The following SLC25A27 variants were observed in gnomAD, a reference collection of about 807,000 sequenced individuals.
SLC25A27 encodes the protein mitochondrial uncoupling protein 4.
SLC25A27 carries 35 observed loss-of-function variants against 49.1 expected under a neutral mutation model. The ratio of observed to expected loss-of-function variants is 0.71; its 90% CI spans 0.54 to 0.95. The LOEUF (loss-of-function observed/expected upper bound fraction) is 0.95, where lower values mean the gene tolerates loss of function less well. SLC25A27 is among the 40% of genes least tolerant of loss of function. SLC25A27 has a pLI of 0.00. For synonymous variants in SLC25A27, 144 were observed against 136.9 expected (o/e 1.05, Z -0.36); for missense variants, 339 against 397.1 (o/e 0.85, Z 1.24).
rs1763785434 is a variant in SLC25A27, at chr6:46,676,326, G to A, written c.901-57G>A. 3 of 1,493,786 alleles carry A rather than the reference G, an allele frequency of 2.0e-6. 1 individual carries two copies. In the South Asian group the frequency reaches 3.4e-5, roughly 17 times the overall value. 92.5% of individuals were successfully genotyped at this position (1,493,786 alleles called of 1,614,324 possible). ...CATTCAAATATATGTATGCACATAT[G>A]TAGACTATTTATAATTGCTTTGAAA... On this transcript the variant is annotated intron_variant, in intron 8 of 8. Coordinates refer to ENST00000371347, the MANE Select transcript of SLC25A27 (RefSeq NM_004277.5).
chr6:46,671,092 GA>G, intron 7 of SLC25A27, 33 bp from the exon 8 acceptor site: 2 of 1,379,066 alleles, frequency 1.5e-6, no homozygotes, highest in Non-Finnish European at 1.0e-6. Flanking sequence ...TTTTTACACA[GA>G]AAAAAATTAA....
Position 46,653,145 on chromosome 6 carries a change from C to T in SLC25A27, c.-48C>T, listed in dbSNP as rs764658679. On this transcript the variant is annotated 5_prime_UTR_variant, in exon 1 of 9. Coordinates refer to ENST00000371347, the MANE Select transcript of SLC25A27 (RefSeq NM_004277.5). The stretch of plus-strand genomic sequence containing the variant: ...GGGAAGCGGCCGCCGCGGCGCGGTG[C>T]AGCGCAGCGGCGAGAAGGAGTGCGT... The T allele has an allele frequency of 1.3e-6, 2 of 1,554,578 alleles. No homozygotes were observed. The highest frequency in any genetic ancestry group is 4.5e-5 in the East Asian group (2 of 44,118).
At chr6:46,654,540 C>G (rs1040282364) in intron 1 of SLC25A27, among the ~76,000 whole-genome samples, 1 of 151,926 alleles carries the variant, frequency 6.6e-6, no homozygotes, top group African/African-American at 2.4e-5. Context: ...AGGACTATTC[C>G]TCGTTAAAAA....
Position 46,653,266 on chromosome 6 carries a change from T to C in SLC25A27, c.74T>C (p.Leu25Pro), listed in dbSNP as rs1762820261. The change falls in exon 1 of 9, where the codon CTG becomes CCG. Residue 25 changes from leucine (L) to proline (P), a missense_variant. Transcript: ENST00000371347. Reference protein sequence around the residue: ...QRWPRASKFLLSGCAATVAEL... With the variant: ...QRWPRASKFLPSGCAATVAEL... ...TGGCCCCGAGCGAGCAAATTCCTAC[T>C]GTCCGGCTGCGCGGCTACCGTGGCC... 6.2e-7 allele frequency: 1 copy of C among 1,613,314 alleles called. No homozygotes were observed. The highest frequency in any genetic ancestry group is 8.5e-7 in the Non-Finnish European group (1 of 1,179,686).
At chr6:46,670,905 T>A (rs1322671534) in intron 7 of SLC25A27, among the ~76,000 whole-genome samples, 1 of 152,030 alleles carries the variant, frequency 6.6e-6, no homozygotes, top group Admixed American at 6.5e-5. Flanking sequence ...GCCCGACTAA[T>A]TTTTTTAGTA....
At position 46,653,219 on chromosome 6, in the gene SLC25A27, G is replaced by C. The variant is rs767033940; in HGVS notation, c.27G>C (p.Arg9Ser). The change falls in exon 1 of 9, where the codon AGG becomes AGC. Residue 9 changes from arginine (R) to serine (S), a missense_variant. Transcript: ENST00000371347. Reference protein sequence around the residue: MSVPEEEERLLPLTQRWPR... With the variant: MSVPEEEESLLPLTQRWPR... Reference sequence around the variant, plus strand: ...TGTCCGTCCCGGAGGAGGAGGAGAGGCTTTTGCCGCTGACCCAGAGATGGC... The same window carrying C: ...TGTCCGTCCCGGAGGAGGAGGAGAGCCTTTTGCCGCTGACCCAGAGATGGC... 51 of 1,613,570 alleles carry C rather than the reference G, an allele frequency of 3.2e-5. No homozygotes were observed. The highest frequency in any genetic ancestry group is 4.2e-5 in the Non-Finnish European group (50 of 1,179,760).
In SLC25A27 at chr6:46,658,972, A is replaced by G; in HGVS notation, c.309A>G (p.Gly103=). The G allele has an allele frequency of 3.1e-6, 5 of 1,612,292 alleles. No individual in the cohort carries two copies. The highest frequency in any genetic ancestry group is 4.2e-6 in the Non-Finnish European group (5 of 1,178,330). Reference sequence around the variant, plus strand: ...ATCTTTTTTACCCAGTGTATTCTGGAGGTCGAATGGTCACATATGAACATC... The same window carrying G: ...ATCTTTTTTACCCAGTGTATTCTGGGGGTCGAATGGTCACATATGAACATC... ...PAIYRHVVYS[G]GRMVTYEHLR... Residue 103 remains glycine (G), a synonymous_variant, in exon 3 of 9, where the codon GGA becomes GGG. Coordinates refer to ENST00000371347, the MANE Select transcript of SLC25A27 (RefSeq NM_004277.5).
At chr6:46,659,099 A>G in intron 3 of SLC25A27, 53 bp downstream of exon 3, 1 of 1,153,474 alleles carries the variant, frequency 8.7e-7, no homozygotes. Context: ...CTTAATGTTT[A>G]TTAGGTTTAT....
intron 1 of SLC25A27, among the ~76,000 whole-genome samples, chr6:46,654,696 ATGGAGAAATCTAT>A (rs1190525669): frequency 5.3e-5 from 8 of 152,224 alleles, no homozygotes; most frequent in Admixed American, 2.6e-4. Context: ...TCTGTGTAAT[ATGGAGAAATCTAT>A]TAAGATTTTT....
rs888942777 is a variant in SLC25A27 at position 46,653,156 on chromosome 6, C to T, written c.-37C>T. ...GCCGCGGCGCGGTGCAGCGCAGCGG[C>T]GAGAAGGAGTGCGTTATCGTCTTGC... On this transcript the variant is annotated 5_prime_UTR_variant, in exon 1 of 9. Transcript: ENST00000371347. The T allele has an allele frequency of 3.2e-6, 5 of 1,577,416 alleles. No individual in the cohort carries two copies. The African/African-American group carries it at 5.4e-5, about 17-fold the overall frequency.
Position 46,676,607 on chromosome 6 carries a change from G to T in SLC25A27, c.*153G>T. 6.4e-7 allele frequency: 1 copy of T among 1,553,296 alleles called. No homozygotes were observed. Among genetic ancestry groups the T allele is most frequent in the Admixed American group, 2.0e-5 (1 of 51,166 alleles). ...GGGGGCAGCACTTTATTTTTTTCTGGAAACCCAAGTTCTCTTTGACTCCTC... is the reference window on the plus strand; with the variant it reads ...GGGGGCAGCACTTTATTTTTTTCTGTAAACCCAAGTTCTCTTTGACTCCTC... On this transcript the variant is annotated 3_prime_UTR_variant, in exon 9 of 9. Transcript: ENST00000371347.
chr6:46,658,494 T>A, intron 2 of SLC25A27: 1 of 448,660 alleles, frequency 2.2e-6, no homozygotes, highest in Non-Finnish European at 4.4e-6. Flanking sequence ...AAATTATGTA[T>A]CTTTATTTAA....
At chr6:46,665,732 G>A (rs570428073) in intron 5 of SLC25A27, among the ~76,000 whole-genome samples, 12 of 152,112 alleles carry the variant, frequency 7.9e-5, no homozygotes, top group South Asian at 4.2e-4. Context: ...TACTACTTTA[G>A]TATCCTTAAA....
At chr6:46,664,247 TAAAG>T (rs1299689728) in intron 4 of SLC25A27, among the ~76,000 whole-genome samples, 1 of 152,230 alleles carries the variant, frequency 6.6e-6, no homozygotes, top group Non-Finnish European at 1.5e-5. Flanking sequence ...ATGAGCAAGA[TAAAG>T]ATAGTCTACT....
rs965581544 is a variant in SLC25A27 at position 46,653,568 on chromosome 6, T to C, written c.106+270T>C. On this transcript the variant is annotated intron_variant, in intron 1 of 8. Transcript: ENST00000371347. ...TTGTACTTTAAGAAGCTTCGCGAGC[T>C]GTCATTCCTCTGTAGGAATCATTTT... 8 of 985,344 alleles carry C rather than the reference T, an allele frequency of 8.1e-6. No individual in the cohort carries two copies. The African/African-American group carries it at 1.2e-4, about 15-fold the overall frequency. The allele number at this position is 985,344 out of a possible 1,614,324, so 61.0% of individuals were successfully genotyped here.
In SLC25A27 at chr6:46,653,286, G is replaced by T; in HGVS notation, c.94G>T (p.Val32Leu). ...KFLLSGCAAT[V>L]AELATFPLDL... ...CCTACTGTCCGGCTGCGCGGCTACC[G>T]TGGCCGAGCTAGGTACCCGGCTGCC... Residue 32 changes from valine to leucine, a missense_variant, in exon 1 of 9, where the codon GTG (valine) becomes TTG (leucine). By Grantham distance (32) the Val-to-Leu change is conservative. Coordinates refer to ENST00000371347, the MANE Select transcript of SLC25A27 (RefSeq NM_004277.5). 1 of 1,612,368 alleles carries T rather than the reference G, an allele frequency of 6.2e-7. No individual in the cohort carries two copies. The highest frequency in any genetic ancestry group is 8.5e-7 in the Non-Finnish European group (1 of 1,179,404).
chr6:46,666,929 A>C (rs1356252641), intron 5 of SLC25A27, among the ~76,000 whole-genome samples: 2 of 152,084 alleles, frequency 1.3e-5, no homozygotes, highest in East Asian at 3.9e-4. Flanking sequence ...CATCTTCCAG[A>C]TATATCTCAA....
intron 3 of SLC25A27, among the ~76,000 whole-genome samples, chr6:46,661,729 G>A (rs984715735): frequency 6.6e-6 from 1 of 152,230 alleles, no homozygotes; most frequent in African/African-American, 2.4e-5. Context: ...TCATCTGACA[G>A]AGAGAATGAC....
At position 46,677,892 on chromosome 6, in the gene SLC25A27, A is replaced by G. The variant is rs1468013717; in HGVS notation, c.*1438A>G. 1 of 152,450 alleles carries G rather than the reference A, an allele frequency of 6.6e-6. No homozygotes were observed. Among genetic ancestry groups the G allele is most frequent in the Non-Finnish European group, 1.5e-5 (1 of 68,014 alleles). The allele number at this position is 152,450 out of a possible 1,614,324, so 9.4% of individuals were successfully genotyped here. A position where few individuals can be genotyped will look rare whatever the true frequency, so the allele number is the denominator to read the frequency against. On this transcript the variant is annotated 3_prime_UTR_variant, in exon 9 of 9. Transcript: ENST00000371347. ...AAGAGGGGGAAGTACATTTTAAAATATATTTGAATGTCATGTACTGATATG... is the reference window on the plus strand; with the variant it reads ...AAGAGGGGGAAGTACATTTTAAAATGTATTTGAATGTCATGTACTGATATG...
Sources: gnomAD v4.1 joint callset for allele counts (sites outside exome capture counted in the v4.1 genomes callset) on GRCh38, gnomAD v4.1.1 for gene constraint, MANE v1.5 for transcripts, NCBI Gene and HGNC (gene_info 2026-07-23, HGNC 2026-07-21) for gene names.